Variants in KLHDC10 observed in about 807,000 individuals in gnomAD.
KLHDC10 encodes kelch domain containing 10.
Under a neutral mutation model 56.1 loss-of-function variants are expected in KLHDC10, and 24 were observed. The observed-to-expected ratio is 0.43, with a 90% CI of 0.31 to 0.60. The LOEUF is 0.60. KLHDC10 is among the 20% of genes least tolerant of loss of function. KLHDC10 has a pLI of 0.11. For missense variants in KLHDC10, 349 were observed against 567.0 expected, an observed-to-expected ratio of 0.62 and a Z score of 3.91; for synonymous variants, 188 against 207.1, an observed-to-expected ratio of 0.91 and a Z score of 0.79.
chr7:130,108,214 C>G (rs970819821), intron 2 of KLHDC10, among the ~76,000 whole-genome samples: 4 of 151,478 alleles, frequency 2.6e-5, no homozygotes, highest in Non-Finnish European at 5.9e-5. Flanking sequence ...GGCGACAGAG[C>G]GAGACTTGTC....
chr7:130,084,304 AAC>A (rs1412026981), intron 1 of KLHDC10, among the ~76,000 whole-genome samples: 4 of 152,230 alleles, frequency 2.6e-5, no homozygotes, highest in Non-Finnish European at 5.9e-5. Flanking sequence ...GGGACACGGT[AAC>A]ACAGATGCAT....
intron 2 of KLHDC10, among the ~76,000 whole-genome samples, chr7:130,099,805 T>C (rs1795904539): frequency 6.6e-6 from 1 of 152,160 alleles, no homozygotes; most frequent in South Asian, 2.1e-4. Flanking sequence ...ATGAGATTAT[T>C]ATAGTTATTA....
chr7:130,094,913 G>A (rs1368864813), intron 1 of KLHDC10: 1 of 152,074 alleles, frequency 6.6e-6, no homozygotes, highest in Non-Finnish European at 1.5e-5. Context: ...TCCTAGAAGT[G>A]GAATAGCTGG....
intron 1 of KLHDC10, among the ~76,000 whole-genome samples, chr7:130,086,073 T>G (rs1795686123): frequency 6.6e-6 from 1 of 152,140 alleles, no homozygotes; most frequent in African/African-American, 2.4e-5. Flanking sequence ...AGCCTGTATA[T>G]TTTTTAAGGC....
At chr7:130,108,047 GAAA>G (rs961950533) in intron 2 of KLHDC10, among the ~76,000 whole-genome samples, 1 of 138,870 alleles carries the variant, frequency 7.2e-6, no homozygotes, top group Admixed American at 7.2e-5. Context: ...CCTTCCCCGG[GAAA>G]AAAAAAACAA....
rs1272623099 is a variant in KLHDC10, at chr7:130,079,872, TCCTC to T, written c.166+9075_166+9078del. On this transcript the variant is annotated intron_variant, in intron 1 of 9. Transcript: ENST00000335420. ...TCCTTCCCTCCCTTCCTCCCTTTCT[TCCTC>T]CCTCCCTCCCTTCCTCCCTTTCTTC... is the stretch of plus-strand genomic sequence containing the variant. Among the ~76,000 whole-genome samples the T allele has an allele frequency of 1.7e-3, 216 of 125,376 alleles. 1 individual carries two copies. The highest frequency in any genetic ancestry group is 6.8e-3 in the African/African-American group (197 of 29,068). 82.3% of individuals were successfully genotyped at this position (125,376 alleles called of 152,430 possible). A position where few individuals can be genotyped will look rare whatever the true frequency, so the allele number is the denominator to read the frequency against.
At chr7:130,095,245 T>C (rs1795832768) in intron 1 of KLHDC10, among the ~76,000 whole-genome samples, 1 of 151,826 alleles carries the variant, frequency 6.6e-6, no homozygotes, top group South Asian at 2.1e-4. Context: ...TATATGTATA[T>C]TTATAGTAGA....
intron 1 of KLHDC10, 69 bp downstream of exon 1, chr7:130,070,878 C>G: frequency 8.5e-7 from 1 of 1,180,230 alleles, no homozygotes; most frequent in Non-Finnish European, 1.1e-6. Context: ...CTTTTTCTCC[C>G]TGGCTTGCTT....
chr7:130,082,070 T>C (rs751150552), intron 1 of KLHDC10, among the ~76,000 whole-genome samples: 1 of 152,186 alleles, frequency 6.6e-6, no homozygotes, highest in Non-Finnish European at 1.5e-5. Flanking sequence ...CCCAGCACTT[T>C]GGAAGGCCGA....
In KLHDC10 at chr7:130,116,083, G is replaced by A. The variant is rs187927897; in HGVS notation, c.254-362G>A. 4.5e-3 allele frequency among the ~76,000 whole-genome samples: 683 copies of A among 152,078 alleles called. 6 individuals are homozygous for A. The highest frequency in any genetic ancestry group is 7.2e-3 in the Non-Finnish European group (488 of 67,972). Reference sequence around the variant, plus strand: ...GGCCTGTGTTTTTTTCTCCTCTAAGGAAATAAGAAAACTTGTCCTGTTAGC... The same window carrying A: ...GGCCTGTGTTTTTTTCTCCTCTAAGAAAATAAGAAAACTTGTCCTGTTAGC... On this transcript the variant is annotated intron_variant, in intron 2 of 9. Coordinates refer to ENST00000335420, the MANE Select transcript of KLHDC10 (RefSeq NM_014997.4). The surrounding 1 kb of genome is among the most constrained non-coding windows in gnomAD (Gnocchi z 4.8).
At position 130,093,496 on chromosome 7, in the gene KLHDC10, G is replaced by A. The variant is rs191242547; in HGVS notation, c.167-3425G>A. Among the ~76,000 whole-genome samples, 46 of 152,264 alleles carry A rather than the reference G, an allele frequency of 3.0e-4. No homozygotes were observed. In the East Asian group the frequency reaches 8.3e-3, roughly 27 times the overall value. ...CCATCTCAGCCTCCCAAAGTGCTGG[G>A]AGTACAGGCATGAGCCACCACACCC... On this transcript the variant is annotated intron_variant, in intron 1 of 9. Transcript: ENST00000335420.
chr7:130,071,790 T>C (rs763559296), intron 1 of KLHDC10, among the ~76,000 whole-genome samples: 3 of 152,138 alleles, frequency 2.0e-5, no homozygotes, highest in Non-Finnish European at 4.4e-5. Context: ...TATATTTGTT[T>C]AGCTGATGAG....
At chr7:130,077,129 C>T (rs967814518) in intron 1 of KLHDC10, among the ~76,000 whole-genome samples, 3 of 151,634 alleles carry the variant, frequency 2.0e-5, no homozygotes, top group Non-Finnish European at 2.9e-5. Flanking sequence ...CTGAGGCAGG[C>T]GGATCACTTG....
At chr7:130,089,722 G>A (rs1183336284) in intron 1 of KLHDC10, among the ~76,000 whole-genome samples, 6 of 152,108 alleles carry the variant, frequency 3.9e-5, no homozygotes, top group Admixed American at 3.3e-4. Context: ...TGTGCAGTAA[G>A]CAATCTGTAC....
chr7:130,071,251 G>A (rs998267000), intron 1 of KLHDC10, among the ~76,000 whole-genome samples: 2 of 152,214 alleles, frequency 1.3e-5, no homozygotes, highest in African/African-American at 2.4e-5. Flanking sequence ...TACACGGGGC[G>A]TGTGTGTAAG....
In KLHDC10 at chr7:130,071,149, T is replaced by C. The variant is rs916661112; in HGVS notation, c.166+340T>C. Among the ~76,000 whole-genome samples the C allele has an allele frequency of 2.6e-5, 4 of 152,314 alleles. No individual in the cohort carries two copies. In the South Asian group the frequency reaches 8.3e-4, roughly 32 times the overall value. On this transcript the variant is annotated intron_variant, in intron 1 of 9. Coordinates refer to ENST00000335420, the MANE Select transcript of KLHDC10 (RefSeq NM_014997.4). ...AGTTTGATCTTGTAAATGAAAGACA[T>C]TGGCGCCTAGCTGTGGGAAATTATT...
At chr7:130,129,372 C>G (rs1796365030) in intron 8 of KLHDC10, 65 bp from the exon 9 acceptor site, 36 of 1,594,124 alleles carry the variant, frequency 2.3e-5, no homozygotes, top group Middle Eastern at 1.8e-4. Context: ...GTGACCTACT[C>G]TAAAACACTC....
At position 130,130,442 on chromosome 7, in the gene KLHDC10, A is replaced by G; in HGVS notation, c.1120-95A>G. ...CAGTGAGGAATTCTTGTTTCATTTC[A>G]TTTTGATTCCATCTACTATGCTTTT... On this transcript the variant is annotated intron_variant, in intron 9 of 9. Transcript: ENST00000335420. This position sits in a 1 kb window ranked among gnomAD's most constrained non-coding sequence, Gnocchi z 4.2. The G allele has an allele frequency of 1.1e-6, 1 of 943,798 alleles. No individual in the cohort carries two copies. The highest frequency in any genetic ancestry group is 1.7e-6 in the Non-Finnish European group (1 of 588,748). The allele number at this position is 943,798 out of a possible 1,614,324, so 58.5% of individuals were successfully genotyped here. A position where few individuals can be genotyped will look rare whatever the true frequency, so the allele number is the denominator to read the frequency against.
At chr7:130,093,214 AT>A (rs1795803484) in intron 1 of KLHDC10, among the ~76,000 whole-genome samples, 1 of 151,826 alleles carries the variant, frequency 6.6e-6, no homozygotes, top group South Asian at 2.1e-4. Flanking sequence ...TATTATTATT[AT>A]TTTTGTGGAG....
Sources: allele counts gnomAD v4.1 joint callset (sites outside exome capture counted in the v4.1 genomes callset), GRCh38; gene constraint gnomAD v4.1.1; non-coding constraint Gnocchi (gnomAD v3.1); transcripts MANE v1.5; gene names NCBI Gene and HGNC (gene_info 2026-07-23, HGNC 2026-07-21).